Variants in GRM7 observed in about 807,000 individuals in gnomAD.
GRM7 encodes glutamate metabotropic receptor 7.
Under a neutral mutation model 84.5 loss-of-function variants are expected in GRM7, and 35 were observed. The observed-to-expected ratio is 0.41, with a 90% CI of 0.32 to 0.55. The LOEUF is 0.55. Ranked by LOEUF, GRM7 falls within the 20% of genes least tolerant of loss-of-function variation. The pLI, the probability that GRM7 is intolerant of heterozygous loss-of-function variation, is 0.19. For missense variants in GRM7, 1,003 were observed against 1,194.6 expected, an observed-to-expected ratio of 0.84 and a Z score of 2.36; for synonymous variants, 487 against 455.1, an observed-to-expected ratio of 1.07 and a Z score of -0.89.
At chr3:7,422,229 A>G (rs1039140992) in intron 5 of GRM7, among the ~76,000 whole-genome samples, 7 of 152,200 alleles carry the variant, frequency 4.6e-5, no homozygotes, top group Non-Finnish European at 5.9e-5. Flanking sequence ...TGTTTCTGAC[A>G]CAACTACTCT....
At chr3:7,365,405 G>C (rs143878673) in intron 4 of GRM7, among the ~76,000 whole-genome samples, 497 of 151,632 alleles carry the variant, frequency 3.3e-3, no homozygotes, top group African/African-American at 0.011. Flanking sequence ...ACATAACTTT[G>C]ATTTTCTCTT....
At chr3:7,345,846 A>G (rs1692866561) in intron 4 of GRM7, among the ~76,000 whole-genome samples, 1 of 148,790 alleles carries the variant, frequency 6.7e-6, no homozygotes, top group Non-Finnish European at 1.5e-5. Flanking sequence ...AAAAAAATCA[A>G]TTTGGAAGAT....
chr3:7,534,353 C>A (rs1331665777), intron 7 of GRM7, among the ~76,000 whole-genome samples: 3 of 152,074 alleles, frequency 2.0e-5, no homozygotes, highest in Non-Finnish European at 4.4e-5. Context: ...CTCATTGAAG[C>A]CTTACAACCA....
At chr3:7,212,502 T>C (rs957218900) in intron 2 of GRM7, among the ~76,000 whole-genome samples, 3 of 152,094 alleles carry the variant, frequency 2.0e-5, no homozygotes, top group African/African-American at 4.8e-5. Context: ...ACAAAAAATA[T>C]ATAGTTGCGA....
intron 1 of GRM7, among the ~76,000 whole-genome samples, chr3:6,953,099 A>T (rs557313909): frequency 4.5e-4 from 68 of 152,366 alleles, no homozygotes; most frequent in Non-Finnish European, 8.2e-4. Flanking sequence ...TCTTGTTCAC[A>T]TTGGAGTAGA....
chr3:7,494,670 T>C (rs1418991199), intron 7 of GRM7, among the ~76,000 whole-genome samples: 1 of 152,188 alleles, frequency 6.6e-6, no homozygotes, highest in African/African-American at 2.4e-5. Context: ...TTACATTAGG[T>C]AAGTTCTGAT....
At position 7,188,376 on chromosome 3, in the gene GRM7, A is replaced by C. The variant is rs115054272; in HGVS notation, c.736+41708A>C. ...AACTTTAGTCTGACAATAAGATTCT[A>C]GGTGTTGGCAAACTATAATCTGCAT... On this transcript the variant is annotated intron_variant, in intron 2 of 9. Coordinates refer to ENST00000357716, the MANE Select transcript of GRM7 (RefSeq NM_000844.4). This position sits in a 1 kb window ranked among gnomAD's most constrained non-coding sequence, Gnocchi z 4.2. 0.01 allele frequency among the ~76,000 whole-genome samples: 1,534 copies of C among 152,304 alleles called. 17 individuals are homozygous for C. Among genetic ancestry groups the C allele is most frequent in the African/African-American group, 0.027 (1,110 of 41,570 alleles).
In GRM7 at chr3:7,298,829, A is replaced by G. The variant is rs752598578; in HGVS notation, c.878+4A>G. On this transcript the variant is annotated splice_donor_region_variant and intron_variant, in intron 3 of 9. Coordinates refer to ENST00000357716, the MANE Select transcript of GRM7 (RefSeq NM_000844.4). Reference sequence around the variant, plus strand: ...TTGCCAACGATGAGGATATAAAGTAAGAATAACTGGTGACAATTGTTAATA... The same window carrying G: ...TTGCCAACGATGAGGATATAAAGTAGGAATAACTGGTGACAATTGTTAATA... 6.2e-7 allele frequency: 1 copy of G among 1,612,594 alleles called. No individual in the cohort carries two copies. Among genetic ancestry groups the G allele is most frequent in the Middle Eastern group, 1.7e-4 (1 of 6,054 alleles).
chr3:7,320,524 T>C (rs1240910660), intron 4 of GRM7, among the ~76,000 whole-genome samples: 2 of 151,928 alleles, frequency 1.3e-5, no homozygotes, highest in African/African-American at 4.8e-5. Context: ...CCTCCAGATA[T>C]AGAGAGGATC....
chr3:7,516,963 C>A (rs1458098248), intron 7 of GRM7, among the ~76,000 whole-genome samples: 1 of 152,128 alleles, frequency 6.6e-6, no homozygotes, highest in Non-Finnish European at 1.5e-5. Context: ...TTCCTGTAGA[C>A]CCCACCTGCC....
intron 1 of GRM7, among the ~76,000 whole-genome samples, chr3:6,869,714 T>G (rs1008816636): frequency 4.6e-5 from 7 of 151,978 alleles, no homozygotes; most frequent in African/African-American, 1.4e-4. Context: ...TTTAGTGACG[T>G]TACTCAGTGG....
At chr3:7,328,750 G>C (rs1054141857) in intron 4 of GRM7, among the ~76,000 whole-genome samples, 2 of 152,064 alleles carry the variant, frequency 1.3e-5, no homozygotes, top group Non-Finnish European at 2.9e-5. Flanking sequence ...TCTCTGACAT[G>C]AATTTTCCTA....
intron 8 of GRM7, among the ~76,000 whole-genome samples, chr3:7,674,525 G>C (rs534396045): frequency 6.6e-6 from 1 of 152,248 alleles, no homozygotes; most frequent in East Asian, 1.9e-4. Context: ...AATACAAATT[G>C]TATAATATGT....
intron 5 of GRM7, among the ~76,000 whole-genome samples, chr3:7,426,590 G>T (rs1430662726): frequency 6.6e-6 from 1 of 152,072 alleles, no homozygotes; most frequent in Non-Finnish European, 1.5e-5. Context: ...TCTAGGGCAG[G>T]TTCTTTACTG....
Position 7,475,593 on chromosome 3 carries a change from G to C in GRM7, c.1515+13871G>C, listed in dbSNP as rs559651215. 2.4e-4 allele frequency among the ~76,000 whole-genome samples: 36 copies of C among 152,092 alleles called. 1 individual carries two copies. In the East Asian group the frequency reaches 2.5e-3, roughly 11 times the overall value. ...GGAATTCATAGCTCTTCACTTTCTC[G>C]TCACTGTTATTGTTACACAAATGAG... On this transcript the variant is annotated intron_variant, in intron 7 of 9. Coordinates refer to ENST00000357716, the MANE Select transcript of GRM7 (RefSeq NM_000844.4).
At chr3:7,147,258 T>C (rs1172755728) in intron 2 of GRM7, among the ~76,000 whole-genome samples, 2 of 152,216 alleles carry the variant, frequency 1.3e-5, no homozygotes, top group Non-Finnish European at 2.9e-5. Flanking sequence ...TAGCTCAGAT[T>C]GGAAGTAATG....
chr3:7,464,075 A>G (rs1418961520), intron 7 of GRM7, among the ~76,000 whole-genome samples: 2 of 152,188 alleles, frequency 1.3e-5, no homozygotes, highest in Admixed American at 1.3e-4. Context: ...GGCTTGTAAC[A>G]GCACATATTA....
chr3:7,236,005 T>C (rs960669877), intron 2 of GRM7, among the ~76,000 whole-genome samples: 1 of 152,198 alleles, frequency 6.6e-6, no homozygotes, highest in Non-Finnish European at 1.5e-5. Flanking sequence ...TCAAGGTCCT[T>C]GCAGACACTG....
At chr3:7,577,062 C>A (rs1206944275) in intron 7 of GRM7, among the ~76,000 whole-genome samples, 3 of 152,134 alleles carry the variant, frequency 2.0e-5, no homozygotes, top group African/African-American at 7.2e-5. Context: ...CATCTTTTAT[C>A]CTGGAAACTC....
Sources: allele counts gnomAD v4.1 joint callset (sites outside exome capture counted in the v4.1 genomes callset), GRCh38; gene constraint gnomAD v4.1.1; non-coding constraint Gnocchi (gnomAD v3.1); transcripts MANE v1.5; gene names NCBI Gene and HGNC (gene_info 2026-07-23, HGNC 2026-07-21).